Variants in KBTBD3 observed in about 807,000 individuals in gnomAD.
The protein encoded by KBTBD3 is kelch repeat and BTB domain containing 3.
KBTBD3 carries 38 observed loss-of-function variants against 49.6 expected under a neutral mutation model. The observed-to-expected ratio is 0.77, with a 90% CI of 0.59 to 1.00. The LOEUF (loss-of-function observed/expected upper bound fraction) is 1.00. Among genes scored for constraint, KBTBD3 ranks in the 50% least tolerant of loss-of-function variants. The pLI is 0.00. For synonymous variants in KBTBD3, 214 were observed against 250.4 expected, an observed-to-expected ratio of 0.85 and a Z score of 1.37; for missense variants, 661 against 712.0, an observed-to-expected ratio of 0.93 and a Z score of 0.81.
In KBTBD3 at chr11:106,051,771, C is replaced by A. The variant is rs539825511; in HGVS notation, c.*1079G>T. 17 of 151,710 alleles carry A rather than the reference C, an allele frequency of 1.1e-4. No homozygotes were observed. Among genetic ancestry groups the A allele is most frequent in the African/African-American group, 4.1e-4 (17 of 41,436 alleles). The allele number at this position is 151,710 out of a possible 1,614,324, so 9.4% of individuals were successfully genotyped here. A position where few individuals can be genotyped will look rare whatever the true frequency, so the allele number is the denominator to read the frequency against. ...CAGGTTGTGAATACTATTATCAATA[C>A]CAAAAGCCAAGTCATTTTTTTTAAT... On this transcript the variant is annotated 3_prime_UTR_variant, in exon 4 of 4. Transcript: ENST00000531837.
At chr11:106,071,916 T>C (rs1860924854) in intron 2 of KBTBD3, among the ~76,000 whole-genome samples, 1 of 152,172 alleles carries the variant, frequency 6.6e-6, no homozygotes, top group African/African-American at 2.4e-5. Flanking sequence ...AATAACATTA[T>C]TAACAGTTAA....
chr11:106,055,402 T>C (rs1860531244), intron 3 of KBTBD3, among the ~76,000 whole-genome samples: 1 of 152,198 alleles, frequency 6.6e-6, no homozygotes, highest in Non-Finnish European at 1.5e-5. Flanking sequence ...AAAACCAATT[T>C]ACTTATCAGA....
intron 3 of KBTBD3, 125 bp from the exon 4 acceptor site, chr11:106,054,580 C>T (rs988016001): frequency 6.0e-6 from 3 of 499,162 alleles, no homozygotes; most frequent in Middle Eastern, 5.9e-4. Flanking sequence ...ATTTTAATTG[C>T]CTCCTAATTA....
At chr11:106,055,342 C>T (rs1032083828) in intron 3 of KBTBD3, among the ~76,000 whole-genome samples, 2 of 152,012 alleles carry the variant, frequency 1.3e-5, no homozygotes, top group African/African-American at 4.8e-5. Flanking sequence ...CAGTATTGTC[C>T]AGGATGTCTT....
rs377473557 is a variant in KBTBD3, at chr11:106,059,194, A to G, written c.-12-85T>C. The G allele has an allele frequency of 6.2e-6, 4 of 641,818 alleles. No individual in the cohort carries two copies. The East Asian group carries it at 1.3e-4, about 21-fold the overall frequency. The allele number at this position is 641,818 out of a possible 1,614,324, so 39.8% of individuals were successfully genotyped here. ...AATTCGCCCTCTTGATGGCAAATAC[A>G]CAAAAATAACCACTAAGAAAAATAA... On this transcript the variant is annotated intron_variant, in intron 2 of 3. Transcript: ENST00000531837.
chr11:106,077,279 C>G (rs1163127594), intron 1 of KBTBD3, 33 bp downstream of exon 1: 4 of 184,924 alleles, frequency 2.2e-5, no homozygotes, highest in African/African-American at 9.5e-5. Context: ...GGCTACCATC[C>G]CACTCCTCCC....
Position 106,053,480 on chromosome 11 carries a change from A to T in KBTBD3, c.1209T>A (p.Asp403Glu), listed in dbSNP as rs767754614. 6.2e-7 allele frequency: 1 copy of T among 1,613,638 alleles called. No homozygotes were observed. The highest frequency in any genetic ancestry group is 8.5e-7 in the Non-Finnish European group (1 of 1,179,862). Residue 403 changes from aspartate (D) to glutamate (E), a missense_variant, in exon 4 of 4, where the codon GAT becomes GAA. Transcript: ENST00000531837. ...RTMHTSVMAL[D>E]RLFVIGGKTR... ...TTTTTCCACCTATGACAAATAATCT[A>T]TCGAGAGCCATAACTGATGTATGCA...
chr11:106,052,809 ATTTAC>A lies in KBTBD3; in HGVS notation c.*36_*40del, dbSNP rs1860447001. On this transcript the variant is annotated 3_prime_UTR_variant, in exon 4 of 4. Coordinates refer to ENST00000531837, the MANE Select transcript of KBTBD3 (RefSeq NM_198439.3). ...TTTTACCTATCATTTTGGTTAACAA[ATTTAC>A]TTTAGGTTACTAGAACTGGACTCGT... The A allele has an allele frequency of 2.6e-6, 4 of 1,518,272 alleles. No individual in the cohort carries two copies. Among genetic ancestry groups the A allele is most frequent in the South Asian group, 1.3e-5 (1 of 79,812 alleles). 94.1% of individuals were successfully genotyped at this position (1,518,272 alleles called of 1,614,324 possible). A position where few individuals can be genotyped will look rare whatever the true frequency, so the allele number is the denominator to read the frequency against.
intron 2 of KBTBD3, among the ~76,000 whole-genome samples, chr11:106,065,958 C>CAAAAAAAAAA (rs55960503): frequency 9.4e-6 from 1 of 106,864 alleles, no homozygotes; most frequent in African/African-American, 3.7e-5. Context: ...AAGACTGTCT[C>CAAAAAAAAAA]AAAAAAAAAA....
At chr11:106,065,875 C>A (rs113390979) in intron 2 of KBTBD3, among the ~76,000 whole-genome samples, 1 of 148,502 alleles carries the variant, frequency 6.7e-6, no homozygotes, top group African/African-American at 2.5e-5. Flanking sequence ...GCAGGAGAAT[C>A]GCTTGAACCC....
chr11:106,065,546 A>G (rs762550081), intron 2 of KBTBD3, among the ~76,000 whole-genome samples: 2 of 152,248 alleles, frequency 1.3e-5, no homozygotes, highest in African/African-American at 2.4e-5. Context: ...GTTGTCACCT[A>G]TATCATCAAA....
intron 2 of KBTBD3, among the ~76,000 whole-genome samples, chr11:106,073,569 T>G (rs928591719): frequency 2.0e-5 from 3 of 152,242 alleles, no homozygotes; most frequent in Non-Finnish European, 4.4e-5. Context: ...GAACTCAGTT[T>G]GGCTCAAGAG....
intron 2 of KBTBD3, among the ~76,000 whole-genome samples, chr11:106,067,303 T>A (rs1860827937): frequency 6.6e-6 from 1 of 152,044 alleles, no homozygotes; most frequent in Non-Finnish European, 1.5e-5. Flanking sequence ...GGCTAAATAA[T>A]CACTAAAACA....
intron 2 of KBTBD3, among the ~76,000 whole-genome samples, chr11:106,059,435 A>C (rs926091294): frequency 1.3e-5 from 2 of 152,336 alleles, no homozygotes; most frequent in Middle Eastern, 3.4e-3. Flanking sequence ...ATTACTATAC[A>C]TAAGAGGTAT....
intron 2 of KBTBD3, among the ~76,000 whole-genome samples, chr11:106,065,697 A>G (rs1860795836): frequency 6.6e-6 from 1 of 152,168 alleles, no homozygotes; most frequent in African/African-American, 2.4e-5. Context: ...GCGGTGGCTC[A>G]TGCCTGTAAT....
At chr11:106,064,423 T>A (rs1035636040) in intron 2 of KBTBD3, among the ~76,000 whole-genome samples, 6 of 151,862 alleles carry the variant, frequency 4.0e-5, no homozygotes, top group African/African-American at 9.7e-5. Context: ...CAGCTGCCTG[T>A]AATCCCAGCT....
At chr11:106,055,469 T>G (rs928459697) in intron 3 of KBTBD3, among the ~76,000 whole-genome samples, 1 of 152,010 alleles carries the variant, frequency 6.6e-6, no homozygotes, top group African/African-American at 2.4e-5. Context: ...AACTGAAAAA[T>G]ATGAGGGGAC....
chr11:106,054,363 T>C lies in KBTBD3; in HGVS notation c.326A>G (p.Tyr109Cys). Reference sequence around the variant, plus strand: ...TATTTTTGTTTTTCCAGTATAGGCATAATCGAGAAATGCTTTTACTGCCTT... The same window carrying C: ...TATTTTTGTTTTTCCAGTATAGGCACAATCGAGAAATGCTTTTACTGCCTT... ...SSKAVKAFLD[Y>C]AYTGKTKITD... is the part of the protein sequence containing the mutation. The change falls in exon 4 of 4, where the codon TAT becomes TGT. Residue 109 changes from tyrosine (Y) to cysteine (C), a missense_variant. Coordinates refer to ENST00000531837, the MANE Select transcript of KBTBD3 (RefSeq NM_198439.3). 1.2e-6 allele frequency: 2 copies of C among 1,611,914 alleles called. No individual in the cohort carries two copies. The highest frequency in any genetic ancestry group is 1.7e-6 in the Non-Finnish European group (2 of 1,178,738).
At chr11:106,075,254 G>C (rs1325169325) in intron 2 of KBTBD3, among the ~76,000 whole-genome samples, 1 of 152,108 alleles carries the variant, frequency 6.6e-6, no homozygotes, top group Non-Finnish European at 1.5e-5. Flanking sequence ...TAATAAAATT[G>C]TTGGGTTCAT....
Sources: allele counts gnomAD v4.1 joint callset (sites outside exome capture counted in the v4.1 genomes callset), GRCh38; gene constraint gnomAD v4.1.1; transcripts MANE v1.5; gene names NCBI Gene and HGNC (gene_info 2026-07-23, HGNC 2026-07-21).